DDX4: variants seen among roughly 807,000 people sequenced by gnomAD.
The protein encoded by DDX4 is probable ATP-dependent RNA helicase DDX4.
Under a neutral mutation model 100.0 loss-of-function variants are expected in DDX4, and 25 were observed. That is an observed-to-expected ratio of 0.25 (90% CI 0.18 to 0.35). The LOEUF (loss-of-function observed/expected upper bound fraction) is 0.35, where lower values mean the gene tolerates loss of function less well. Among genes scored for constraint, DDX4 ranks in the 10% least tolerant of loss-of-function variants. The pLI, the probability that DDX4 is intolerant of heterozygous loss-of-function variation, is 1.00. For missense variants in DDX4, 635 were observed against 882.4 expected, an observed-to-expected ratio of 0.72 and a Z score of 3.55; for synonymous variants, 259 against 275.7, an observed-to-expected ratio of 0.94 and a Z score of 0.60.
Position 55,792,765 on chromosome 5 carries a change from A to T in DDX4, c.1427A>T (p.Gln476Leu). 1 of 1,582,274 alleles carries T rather than the reference A, an allele frequency of 6.3e-7. No homozygotes were observed. Residue 476 changes from glutamine (Q) to leucine (L), a missense_variant, in exon 17 of 22, where the codon CAA becomes CTA. Physicochemically the swap from Gln to Leu is moderately radical, Grantham distance 113. Transcript: ENST00000505374. ...CPGMPSKEQR[Q>L]TLMFSATFPE... ...GGAATGCCATCAAAGGAACAGCGCC[A>T]AACCCTTATGTTCAGTGCAACTTTT...
At chr5:55,779,520 T>C (rs759496788) in intron 7 of DDX4, among the ~76,000 whole-genome samples, 9 of 152,208 alleles carry the variant, frequency 5.9e-5, no homozygotes, top group Non-Finnish European at 1.2e-4. Context: ...TTCAATTCAA[T>C]TAAAAATTGT....
At chr5:55,772,313 A>G (rs546711842) in intron 7 of DDX4, among the ~76,000 whole-genome samples, 4 of 152,340 alleles carry the variant, frequency 2.6e-5, no homozygotes, top group African/African-American at 9.6e-5. Flanking sequence ...TTGACCTAGT[A>G]TCACTTACTG....
intron 9 of DDX4, 90 bp downstream of exon 9, chr5:55,781,236 A>G: frequency 9.7e-7 from 1 of 1,027,154 alleles, no homozygotes; most frequent in South Asian, 2.0e-5. Flanking sequence ...GTTAAAGTAT[A>G]CTAGTTTGGC....
chr5:55,777,071 A>T (rs1225288540), intron 7 of DDX4, among the ~76,000 whole-genome samples: 2 of 152,202 alleles, frequency 1.3e-5, no homozygotes, highest in Non-Finnish European at 2.9e-5. Flanking sequence ...GAGGAAATCC[A>T]ATAGAAGGAC....
At chr5:55,801,542 A>G (rs1348502199) in intron 18 of DDX4, among the ~76,000 whole-genome samples, 1 of 152,030 alleles carries the variant, frequency 6.6e-6, no homozygotes, top group Non-Finnish European at 1.5e-5. Flanking sequence ...CTAGACAGTA[A>G]TCTTTTTTGC....
intron 10 of DDX4, among the ~76,000 whole-genome samples, chr5:55,783,994 C>T (rs1319084673): frequency 6.6e-6 from 1 of 152,098 alleles, no homozygotes; most frequent in African/African-American, 2.4e-5. Flanking sequence ...TCCCCTGTCC[C>T]CCACCTTCCA....
intron 7 of DDX4, among the ~76,000 whole-genome samples, chr5:55,769,817 T>C (rs2111876725): frequency 6.6e-6 from 1 of 151,766 alleles, no homozygotes; most frequent in African/African-American, 2.4e-5. Flanking sequence ...CAAAACCAGA[T>C]ACCTAGACCA....
chr5:55,778,538 A>G (rs1741708516), intron 7 of DDX4, among the ~76,000 whole-genome samples: 1 of 152,220 alleles, frequency 6.6e-6, no homozygotes, highest in African/African-American at 2.4e-5. Context: ...CAGATACAAT[A>G]GAGTGTTCAG....
intron 3 of DDX4, among the ~76,000 whole-genome samples, chr5:55,749,591 T>C (rs1294823139): frequency 6.6e-6 from 1 of 152,142 alleles, no homozygotes; most frequent in East Asian, 1.9e-4. Context: ...AGCAGGATCC[T>C]CTAGTCTCTG....
In DDX4 at chr5:55,767,796, AT is replaced by A; in HGVS notation, c.335-82del. On this transcript the variant is annotated intron_variant, in intron 6 of 21. Coordinates refer to ENST00000505374, the MANE Select transcript of DDX4 (RefSeq NM_024415.3). ...ATGAAAATATTTTGTCTTCTTACTA[AT>A]TTATCTTGTGACAGTGCTATTCTTT... is the stretch of plus-strand genomic sequence containing the variant. The A allele has an allele frequency of 6.4e-6, 6 of 939,692 alleles. No individual in the cohort carries two copies. In the East Asian group the frequency reaches 1.5e-4, roughly 24 times the overall value. The allele number at this position is 939,692 out of a possible 1,614,324, so 58.2% of individuals were successfully genotyped here.
chr5:55,740,311 C>T (rs554145372), intron 2 of DDX4, among the ~76,000 whole-genome samples: 12 of 151,854 alleles, frequency 7.9e-5, no homozygotes, highest in East Asian at 3.9e-4. Context: ...AGACTACAGG[C>T]GCATGCCACC....
intron 4 of DDX4, among the ~76,000 whole-genome samples, chr5:55,762,956 C>T (rs1349621301): frequency 1.3e-5 from 2 of 152,028 alleles, no homozygotes; most frequent in Non-Finnish European, 2.9e-5. Context: ...TAGTAGAAAG[C>T]TGTGTTTCAC....
chr5:55,745,575 CCA>C (rs1759208223), intron 2 of DDX4, among the ~76,000 whole-genome samples: 1 of 152,072 alleles, frequency 6.6e-6, no homozygotes. Flanking sequence ...GCTCATGCCA[CCA>C]CACCTAGCTA....
intron 16 of DDX4, 93 bp downstream of exon 16, chr5:55,790,798 T>C (rs1742517812): frequency 2.7e-6 from 3 of 1,095,270 alleles, no homozygotes. Context: ...ATGTATTTAG[T>C]AGAGCACTAT....
At chr5:55,751,874 G>A (rs1320131110) in intron 3 of DDX4, among the ~76,000 whole-genome samples, 1 of 152,118 alleles carries the variant, frequency 6.6e-6, no homozygotes. Flanking sequence ...TCAAAAAGTA[G>A]CCTCCTACAT....
chr5:55,790,445 C>G, intron 15 of DDX4, 131 bp from the exon 16 acceptor site: 1 of 678,188 alleles, frequency 1.5e-6, no homozygotes, highest in Non-Finnish European at 2.5e-6. Context: ...TGCACCCAGC[C>G]AGAATTTAAT....
At chr5:55,763,546 T>C (rs929247712) in intron 5 of DDX4, among the ~76,000 whole-genome samples, 12 of 152,142 alleles carry the variant, frequency 7.9e-5, no homozygotes, top group Admixed American at 7.2e-4. Context: ...AAGCAAAACT[T>C]GACGACTTTT....
intron 18 of DDX4, among the ~76,000 whole-genome samples, chr5:55,810,058 C>T (rs1365588044): frequency 4.6e-5 from 7 of 152,028 alleles, no homozygotes; most frequent in Admixed American, 1.3e-4. Context: ...AAATAGAGGC[C>T]GAGTATCACT....
intron 18 of DDX4, among the ~76,000 whole-genome samples, chr5:55,808,756 G>A (rs752035138): frequency 1.1e-4 from 16 of 152,230 alleles, no homozygotes; most frequent in Non-Finnish European, 1.9e-4. Context: ...TAGGCTCCTT[G>A]GGGGTCAGGG....
Sources: allele counts gnomAD v4.1 joint callset (sites outside exome capture counted in the v4.1 genomes callset), GRCh38; gene constraint gnomAD v4.1.1; transcripts MANE v1.5; gene names NCBI Gene and HGNC (gene_info 2026-07-23, HGNC 2026-07-21).